Variants in CNNM2 observed in about 807,000 individuals in gnomAD.
CNNM2 encodes the protein cyclin and CBS domain divalent metal cation transport mediator 2.
Under a neutral mutation model 66.9 loss-of-function variants are expected in CNNM2, and 12 were observed. That is an observed-to-expected ratio of 0.18 (90% CI 0.11 to 0.29). The LOEUF (loss-of-function observed/expected upper bound fraction) is 0.29. Among genes scored for constraint, CNNM2 ranks in the 10% least tolerant of loss-of-function variants. The pLI, the probability that CNNM2 is intolerant of heterozygous loss-of-function variation, is 1.00. For missense variants in CNNM2, 705 were observed against 1,167.7 expected (o/e 0.60, Z 5.77); for synonymous variants, 557 against 501.8 (o/e 1.11, Z -1.47).
chr10:102,935,605 A>ATT lies in CNNM2; in HGVS notation c.1621+15522_1621+15523dup, dbSNP rs34763981. 3.7e-3 allele frequency among the ~76,000 whole-genome samples: 469 copies of ATT among 128,010 alleles called. 1 individual carries two copies. The highest frequency in any genetic ancestry group is 4.7e-3 in the African/African-American group (160 of 33,796). 84.0% of individuals were successfully genotyped at this position (128,010 alleles called of 152,430 possible). A position where few individuals can be genotyped will look rare whatever the true frequency, so the allele number is the denominator to read the frequency against. The stretch of plus-strand genomic sequence containing the variant: ...GAGCAGTATGGTCCTTTAAAAAAAA[A>ATT]TTTTTTTTTTTTTTTTTTTGAGACA... On this transcript the variant is annotated intron_variant, in intron 1 of 7. Transcript: ENST00000369878.
At chr10:103,050,702 C>T (rs1436856466) in intron 2 of CNNM2, among the ~76,000 whole-genome samples, 1 of 152,020 alleles carries the variant, frequency 6.6e-6, no homozygotes, top group Admixed American at 6.6e-5. Flanking sequence ...GTAGGGTACA[C>T]AGTAAGAATG....
intron 1 of CNNM2, among the ~76,000 whole-genome samples, chr10:102,959,610 T>C (rs1847169900): frequency 6.6e-6 from 1 of 152,198 alleles, no homozygotes; most frequent in Non-Finnish European, 1.5e-5. Flanking sequence ...AGGGTCTTGC[T>C]CTGTCACCCA....
chr10:102,985,889 C>A lies in CNNM2; in HGVS notation c.1622-63818C>A, dbSNP rs1177313016. On this transcript the variant is annotated intron_variant, in intron 1 of 7. Coordinates refer to ENST00000369878, the MANE Select transcript of CNNM2 (RefSeq NM_017649.5). ...CTAAATGGTTGGCATGTTCAGACTT[C>A]AGAGTATTATCCATCAGCTTGGAGA... is the stretch of plus-strand genomic sequence containing the variant. Among the ~76,000 whole-genome samples, 7 of 152,290 alleles carry A rather than the reference C, an allele frequency of 4.6e-5. No homozygotes were observed. In the South Asian group the frequency reaches 1.5e-3, roughly 32 times the overall value.
At chr10:102,928,353 G>A (rs939401285) in intron 1 of CNNM2, among the ~76,000 whole-genome samples, 8 of 151,878 alleles carry the variant, frequency 5.3e-5, no homozygotes, top group African/African-American at 1.7e-4. Context: ...TTGGGAGGCC[G>A]AGGCGGGTGG....
At chr10:102,981,088 C>T (rs973728618) in intron 1 of CNNM2, among the ~76,000 whole-genome samples, 3 of 152,160 alleles carry the variant, frequency 2.0e-5, no homozygotes, top group African/African-American at 4.8e-5. Context: ...GTGGCTCGCA[C>T]CTGTAATCCC....
intron 1 of CNNM2, chr10:102,927,275 G>T: frequency 1.2e-6 from 2 of 1,601,562 alleles, no homozygotes; most frequent in East Asian, 2.2e-5. Flanking sequence ...CAAACATGTG[G>T]AAGTGGATCA....
intron 1 of CNNM2, among the ~76,000 whole-genome samples, chr10:102,996,602 GC>G (rs759474978): frequency 3.3e-5 from 5 of 152,180 alleles, no homozygotes; most frequent in Non-Finnish European, 5.9e-5. Flanking sequence ...TACTCGGGAG[GC>G]CGAGGTGGGA....
At chr10:103,053,357 A>C (rs971528466) in intron 2 of CNNM2, among the ~76,000 whole-genome samples, 2 of 152,124 alleles carry the variant, frequency 1.3e-5, no homozygotes, top group Non-Finnish European at 2.9e-5. Flanking sequence ...TCTACAAAAA[A>C]AATTTTAAAA....
At chr10:102,920,866 T>C (rs1488215366) in intron 1 of CNNM2, among the ~76,000 whole-genome samples, 2 of 152,202 alleles carry the variant, frequency 1.3e-5, no homozygotes, top group African/African-American at 4.8e-5. Flanking sequence ...TTGTTTACAT[T>C]TATCTGACAA....
chr10:103,071,274 C>A (rs180869221), intron 5 of CNNM2, among the ~76,000 whole-genome samples: 2 of 152,318 alleles, frequency 1.3e-5, no homozygotes, highest in Non-Finnish European at 2.9e-5. Context: ...TACTTACTTT[C>A]CTCTATGTTG....
At chr10:103,050,020 A>G (rs2065189754) in intron 2 of CNNM2, among the ~76,000 whole-genome samples, 170 bp downstream of exon 2, 1 of 152,214 alleles carries the variant, frequency 6.6e-6, no homozygotes. Context: ...CAGAAGGAGC[A>G]GACCCTGTAA....
At chr10:103,053,066 T>G (rs2065242135) in intron 2 of CNNM2, among the ~76,000 whole-genome samples, 1 of 152,204 alleles carries the variant, frequency 6.6e-6, no homozygotes, top group Non-Finnish European at 1.5e-5. Context: ...TTAAGCTCGT[T>G]TTTTCTTGAT....
chr10:103,061,934 T>G (rs899899145), intron 4 of CNNM2, among the ~76,000 whole-genome samples: 4 of 152,224 alleles, frequency 2.6e-5, no homozygotes, highest in African/African-American at 9.7e-5. Context: ...ATTACTGATT[T>G]TAGGAAACAG....
chr10:103,009,052 G>A (rs111634019), intron 1 of CNNM2, among the ~76,000 whole-genome samples: 22 of 152,218 alleles, frequency 1.4e-4, no homozygotes, highest in East Asian at 1.4e-3. Flanking sequence ...CGAGGCAGGC[G>A]GATGACCTGA....
At chr10:102,925,714 C>G (rs940370219) in intron 1 of CNNM2, among the ~76,000 whole-genome samples, 1 of 152,150 alleles carries the variant, frequency 6.6e-6, no homozygotes, top group Non-Finnish European at 1.5e-5. Flanking sequence ...TTTTATTGGT[C>G]TCGTGATTTT....
chr10:103,002,848 T>C (rs889114602), intron 1 of CNNM2, among the ~76,000 whole-genome samples: 17 of 152,182 alleles, frequency 1.1e-4, no homozygotes, highest in Non-Finnish European at 2.2e-4. Context: ...GTTTGGCAGT[T>C]ACTCCAAATG....
chr10:103,053,525 AAAG>A (rs892665611), intron 2 of CNNM2, among the ~76,000 whole-genome samples: 24 of 152,336 alleles, frequency 1.6e-4, no homozygotes, highest in African/African-American at 5.3e-4. Flanking sequence ...TAAGAAAAGA[AAAG>A]AAACCAAAAG....
intron 1 of CNNM2, among the ~76,000 whole-genome samples, chr10:102,928,123 A>G (rs1272288831): frequency 6.6e-6 from 1 of 152,210 alleles, no homozygotes; most frequent in African/African-American, 2.4e-5. Context: ...CTCATATGGT[A>G]CTTAGTAAGA....
At chr10:102,936,008 G>GA (rs1188935701) in intron 1 of CNNM2, among the ~76,000 whole-genome samples, 1 of 145,590 alleles carries the variant, frequency 6.9e-6, no homozygotes, top group Non-Finnish European at 1.5e-5. Context: ...TGTTTTTTTG[G>GA]TTTTTTTTTT....
Sources: gnomAD v4.1 joint callset for allele counts (sites outside exome capture counted in the v4.1 genomes callset) on GRCh38, gnomAD v4.1.1 for gene constraint, MANE v1.5 for transcripts, NCBI Gene and HGNC (gene_info 2026-07-23, HGNC 2026-07-21) for gene names.